PSMA1: variants seen among roughly 807,000 people sequenced by gnomAD.
The protein encoded by PSMA1 is proteasome subunit alpha type-1.
Under a neutral mutation model 38.4 loss-of-function variants are expected in PSMA1, and 3 were observed. The observed-to-expected ratio is 0.08, with a 90% confidence interval of 0.04 to 0.20. The LOEUF is 0.20. PSMA1 is among the 10% of genes least tolerant of loss of function. The probability of loss-of-function intolerance (pLI) is 1.00; values close to 1 mark genes in which losing one functional copy is unlikely to be tolerated. For synonymous variants in PSMA1, 101 were observed against 107.1 expected (o/e 0.94, Z 0.35); for missense variants, 227 against 325.3 (o/e 0.70, Z 2.32).
rs1479515128 is a variant in PSMA1, at chr11:14,534,038, G to A, written c.22-14997C>T. Among the ~76,000 whole-genome samples the A allele has an allele frequency of 2.6e-5, 4 of 151,956 alleles. No individual in the cohort carries two copies. The highest frequency in any genetic ancestry group is 7.3e-5 in the African/African-American group (3 of 41,358). ...CTCTACTAAAAATACAAAATTAGCC[G>A]GGCATGGAGGTGCATGTCTGTAACC... is the stretch of plus-strand genomic sequence containing the variant. On this transcript the variant is annotated intron_variant, in intron 2 of 10. Transcript: ENST00000418988. This position sits in a 1 kb window ranked among gnomAD's most constrained non-coding sequence, Gnocchi z 4.5.
chr11:14,635,779 T>A (rs1323030639), intron 1 of PSMA1, among the ~76,000 whole-genome samples: 1 of 152,182 alleles, frequency 6.6e-6, no homozygotes, highest in Non-Finnish European at 1.5e-5. Flanking sequence ...AGCCAGATAA[T>A]AACTGTTTAG....
At chr11:14,570,558 T>C (rs1246958900) in intron 2 of PSMA1, among the ~76,000 whole-genome samples, 1 of 152,036 alleles carries the variant, frequency 6.6e-6, no homozygotes, top group Non-Finnish European at 1.5e-5. Context: ...CAGGAGAACA[T>C]GATGCATGCA....
chr11:14,507,550 G>C lies in PSMA1; in HGVS notation c.735+106C>G, dbSNP rs1851265159. On this transcript the variant is annotated intron_variant, in intron 9 of 9. Coordinates refer to ENST00000396394, the MANE Select transcript of PSMA1 (RefSeq NM_002786.4). The stretch of plus-strand genomic sequence containing the variant: ...ATTTTCCTGTTGCCATTTGAATTAT[G>C]GGCCCATTTCAATATTTAAGACAAA... The C allele has an allele frequency of 5.3e-6, 4 of 757,166 alleles. No homozygotes were observed. The Admixed American group carries it at 1.1e-4, about 20-fold the overall frequency. 46.9% of individuals were successfully genotyped at this position (757,166 alleles called of 1,614,324 possible). A position where few individuals can be genotyped will look rare whatever the true frequency, so the allele number is the denominator to read the frequency against.
At chr11:14,629,974 T>C (rs1030809020) in intron 1 of PSMA1, among the ~76,000 whole-genome samples, 31 of 152,192 alleles carry the variant, frequency 2.0e-4, no homozygotes, top group African/African-American at 7.0e-4. Flanking sequence ...CCGTCTGTTG[T>C]TGGTGTATAA....
At chr11:14,523,734 C>T (rs1002648329), upstream of PSMA1, among the ~76,000 whole-genome samples, 5 of 151,858 alleles carry the variant, frequency 3.3e-5, no homozygotes, top group African/African-American at 1.2e-4. Context: ...CAGGCAAGTA[C>T]CCCCATGCCC....
chr11:14,514,543 C>G (rs768865067), intron 4 of PSMA1, 52 bp from the exon 5 acceptor site: 4 of 1,310,094 alleles, frequency 3.1e-6, no homozygotes, highest in Non-Finnish European at 4.1e-6. Context: ...GACAACTATT[C>G]CAATCTAAAT....
chr11:14,640,460 T>C (rs572797786), intron 1 of PSMA1, among the ~76,000 whole-genome samples: 5 of 152,334 alleles, frequency 3.3e-5, no homozygotes, highest in African/African-American at 1.2e-4. Context: ...CAGATAAAGC[T>C]GCAGCTCTGA....
intron 7 of PSMA1, among the ~76,000 whole-genome samples, chr11:14,513,111 T>C (rs1851371533): frequency 6.6e-6 from 1 of 152,238 alleles, no homozygotes; most frequent in South Asian, 2.1e-4. Context: ...TGTCCTGTCA[T>C]AACATCTTAC....
chr11:14,616,231 GTTTTTT>G (rs34292683), intron 1 of PSMA1, among the ~76,000 whole-genome samples: 1 of 126,686 alleles, frequency 7.9e-6, no homozygotes, highest in Non-Finnish European at 1.7e-5. Flanking sequence ...GATCCCAACA[GTTTTTT>G]TTTTTTTTTT....
intron 1 of PSMA1, among the ~76,000 whole-genome samples, chr11:14,629,487 G>T: frequency 6.6e-6 from 1 of 151,100 alleles, no homozygotes; most frequent in Non-Finnish European, 1.5e-5. Flanking sequence ...TAGATATGCG[G>T]TGTTATTTCT....
chr11:14,614,642 A>G (rs937681844), intron 1 of PSMA1, among the ~76,000 whole-genome samples: 1 of 152,232 alleles, frequency 6.6e-6, no homozygotes, highest in African/African-American at 2.4e-5. Flanking sequence ...CAAGCTAGAA[A>G]TTTGATTCTC....
intron 2 of PSMA1, among the ~76,000 whole-genome samples, chr11:14,597,378 CT>C (rs1283343069): frequency 6.6e-6 from 1 of 152,062 alleles, no homozygotes; most frequent in African/African-American, 2.4e-5. Flanking sequence ...TGGTCCTGGA[CT>C]TTTTTTGGTT....
At chr11:14,599,107 G>A (rs536569415) in intron 2 of PSMA1, among the ~76,000 whole-genome samples, 116 of 152,238 alleles carry the variant, frequency 7.6e-4, no homozygotes, top group African/African-American at 2.5e-3. Context: ...TGAGAGATCC[G>A]CTGTTAGTCT....
chr11:14,529,414 GGTT>G (rs1334760633), intron 2 of PSMA1, among the ~76,000 whole-genome samples: 1 of 152,064 alleles, frequency 6.6e-6, no homozygotes, highest in African/African-American at 2.4e-5. Flanking sequence ...TGAGTTTTCT[GGTT>G]GTTCAAGTAA....
At chr11:14,631,850 C>T (rs1422891436) in intron 1 of PSMA1, among the ~76,000 whole-genome samples, 1 of 150,442 alleles carries the variant, frequency 6.6e-6, no homozygotes, top group East Asian at 2.0e-4. Flanking sequence ...CTTGGTGCTC[C>T]TGTATTGGGT....
At chr11:14,568,400 A>G (rs1404040798) in intron 2 of PSMA1, among the ~76,000 whole-genome samples, 2 of 152,224 alleles carry the variant, frequency 1.3e-5, no homozygotes, top group Non-Finnish European at 2.9e-5. Flanking sequence ...ACTGTGAAAA[A>G]TATAAGATAG....
intron 2 of PSMA1, among the ~76,000 whole-genome samples, chr11:14,579,025 C>T (rs1852251767): frequency 6.6e-6 from 1 of 152,166 alleles, no homozygotes; most frequent in Non-Finnish European, 1.5e-5. Context: ...ATTAAGTTAC[C>T]TGGCCTAAAT....
chr11:14,535,740 C>G (rs543117199), intron 2 of PSMA1, among the ~76,000 whole-genome samples: 2 of 152,112 alleles, frequency 1.3e-5, no homozygotes, highest in African/African-American at 4.8e-5. Flanking sequence ...CCACCCCACC[C>G]GGCCATTCAT....
intron 2 of PSMA1, among the ~76,000 whole-genome samples, chr11:14,554,900 T>C (rs946092358): frequency 2.6e-5 from 4 of 152,202 alleles, no homozygotes; most frequent in African/African-American, 9.6e-5. Flanking sequence ...GTTTGACAGA[T>C]AGATTTGGAA....
Sources: allele counts gnomAD v4.1 joint callset (sites outside exome capture counted in the v4.1 genomes callset), GRCh38; gene constraint gnomAD v4.1.1; non-coding constraint Gnocchi (gnomAD v3.1); transcripts MANE v1.5; gene names NCBI Gene and HGNC (gene_info 2026-07-23, HGNC 2026-07-21).